The following AHCTF1 variants were observed in gnomAD, a reference collection of about 807,000 sequenced individuals.
AHCTF1 encodes protein ELYS.
AHCTF1 carries 24 observed loss-of-function variants against 248.4 expected under a neutral mutation model. The ratio of observed to expected loss-of-function variants is 0.10; its 90% CI spans 0.07 to 0.14. The LOEUF (loss-of-function observed/expected upper bound fraction) is 0.14. Ranked by LOEUF, AHCTF1 falls within the 10% of genes least tolerant of loss-of-function variation. The probability of loss-of-function intolerance (pLI) is 1.00; values close to 1 mark genes in which losing one functional copy is unlikely to be tolerated. For synonymous variants in AHCTF1, 786 were observed against 929.8 expected (o/e 0.85, Z 2.81); for missense variants, 2,206 against 2,636.2 (o/e 0.84, Z 3.57).
At chr1:246,867,899 CCCCA>C (rs1558229652) in intron 24 of AHCTF1, 88 bp from the exon 25 acceptor site, 33 of 557,246 alleles carry the variant, frequency 5.9e-5, no homozygotes, top group African/African-American at 1.4e-4. Context: ...ACACCCCCCC[CCCCA>C]CACACACACA....
intron 7 of AHCTF1, among the ~76,000 whole-genome samples, chr1:246,903,596 G>T (rs1420811551): frequency 6.6e-6 from 1 of 151,880 alleles, no homozygotes; most frequent in Middle Eastern, 3.4e-3. Context: ...TTGGGAGTTC[G>T]AGGTGGGTGG....
chr1:246,892,562 C>A (rs980434398), intron 14 of AHCTF1, among the ~76,000 whole-genome samples: 1 of 151,988 alleles, frequency 6.6e-6, no homozygotes, highest in Non-Finnish European at 1.5e-5. Context: ...CTCAGGTGAT[C>A]CGCCCGCCTC....
chr1:246,864,511 A>G (rs1473989958), intron 26 of AHCTF1, among the ~76,000 whole-genome samples: 1 of 152,122 alleles, frequency 6.6e-6, no homozygotes. Context: ...CAAAATATCC[A>G]TTCACCTACA....
intron 21 of AHCTF1, among the ~76,000 whole-genome samples, chr1:246,880,646 A>ATG (rs1410347304): frequency 2.6e-5 from 4 of 152,152 alleles, no homozygotes; most frequent in African/African-American, 9.7e-5. Flanking sequence ...GGAGTAAGAT[A>ATG]AACTTAATTT....
chr1:246,877,890 C>T (rs1391861358), intron 21 of AHCTF1, among the ~76,000 whole-genome samples: 1 of 151,914 alleles, frequency 6.6e-6, no homozygotes, highest in African/African-American at 2.4e-5. Flanking sequence ...CTTCCAGAAT[C>T]AGGTAGGAGA....
Position 246,855,764 on chromosome 1 carries a change from G to A in AHCTF1, c.4320C>T (p.Thr1440=). 6.2e-7 allele frequency: 1 copy of A among 1,613,310 alleles called. No homozygotes were observed. Among genetic ancestry groups the A allele is most frequent in the East Asian group, 2.2e-5 (1 of 44,820 alleles). The change falls in exon 31 of 36, where the codon ACC becomes ACT. Residue 1440 remains threonine (T), a synonymous_variant. Coordinates refer to ENST00000648844, the MANE Select transcript of AHCTF1 (RefSeq NM_001323342.2). The stretch of plus-strand genomic sequence containing the variant: ...CATTTGCTCTAATTGCAGGGGTGTA[G>A]GTTTCAACAGATGTTAATCCTTCGT... The part of the protein sequence containing the change: ...VLDEGLTSVE[T]YTPAIRANDN...
chr1:246,891,728 T>A (rs771312651), intron 15 of AHCTF1, 51 bp downstream of exon 15: 3 of 1,583,342 alleles, frequency 1.9e-6, no homozygotes, highest in Non-Finnish European at 2.6e-6. Flanking sequence ...TTTCTCTTAG[T>A]CAAGAAGTAA....
chr1:246,885,607 G>C lies in AHCTF1; in HGVS notation c.2546C>G (p.Ala849Gly). 1 of 1,612,566 alleles carries C rather than the reference G, an allele frequency of 6.2e-7. No homozygotes were observed. Among genetic ancestry groups the C allele is most frequent in the Non-Finnish European group, 8.5e-7 (1 of 1,178,998 alleles). ...TCTGTGCTCGCCCTGACTCATGAAT[G>C]CCTGAATAATCTTTGAATGTTGCCA... is the stretch of plus-strand genomic sequence containing the variant. The part of the protein sequence containing the change: ...LSWQHSKIIQ[A>G]FMSQGEHRQA... Residue 849 changes from alanine to glycine, a missense_variant, in exon 21 of 36, where the codon GCA becomes GGA. Physicochemically the swap from Ala to Gly is moderately conservative, Grantham distance 60. Around this residue, in one of 6 missense-constraint regions of AHCTF1, gnomAD observed 650 missense variants for 870.8 expected, o/e 0.75. Coordinates refer to ENST00000648844, the MANE Select transcript of AHCTF1 (RefSeq NM_001323342.2).
chr1:246,902,022 G>A (rs934880983), intron 8 of AHCTF1, among the ~76,000 whole-genome samples: 1 of 152,106 alleles, frequency 6.6e-6, no homozygotes, highest in Non-Finnish European at 1.5e-5. Flanking sequence ...GGTCTAACTA[G>A]GATCCCACTT....
intron 1 of AHCTF1, among the ~76,000 whole-genome samples, chr1:246,924,808 A>G (rs1666819656): frequency 6.6e-6 from 1 of 152,226 alleles, no homozygotes; most frequent in South Asian, 2.1e-4. Flanking sequence ...CCAAGTCATC[A>G]AAAGTAGAAG....
Position 246,891,798 on chromosome 1 carries a change from G to A in AHCTF1, c.1926C>T (p.Ala642=), listed in dbSNP as rs372542632. 25 of 1,610,804 alleles carry A rather than the reference G, an allele frequency of 1.6e-5. No individual in the cohort carries two copies. Among genetic ancestry groups the A allele is most frequent in the East Asian group, 1.1e-4 (5 of 44,698 alleles). ...GCGTACCTCTCTCAGTGATCTCTCG[G>A]GCTTCTGATGCAAAACAGCTCAAGA... The part of the protein sequence containing the change: ...NIVLSCFASE[A]REITERGLID... The change falls in exon 15 of 36, where the codon GCC becomes GCT. Residue 642 remains alanine (A), a synonymous_variant. Transcript: ENST00000648844.
In AHCTF1 at chr1:246,861,177, T is replaced by C; in HGVS notation, c.3854A>G (p.Glu1285Gly). Reference sequence around the variant, plus strand: ...CTCATCCATTTCTTGATGCTCCTTTTCAGGGCTGTTCAGGAAAAAAGATGT... The same window carrying C: ...CTCATCCATTTCTTGATGCTCCTTTCCAGGGCTGTTCAGGAAAAAAGATGT... Reference protein sequence around the residue: ...RTTSFFLNSPEKEHQEMDEGS... With the variant: ...RTTSFFLNSPGKEHQEMDEGS... The change falls in exon 29 of 36, where the codon GAA becomes GGA. Residue 1285 changes from glutamate (E) to glycine (G), a missense_variant. Physicochemically the swap from Glu to Gly is moderately conservative, Grantham distance 98. Coordinates refer to ENST00000648844, the MANE Select transcript of AHCTF1 (RefSeq NM_001323342.2). 1 of 1,613,732 alleles carries C rather than the reference T, an allele frequency of 6.2e-7. No individual in the cohort carries two copies. The highest frequency in any genetic ancestry group is 1.3e-5 in the African/African-American group (1 of 75,058).
intron 1 of AHCTF1, among the ~76,000 whole-genome samples, chr1:246,929,617 TGAG>T (rs1667184630): frequency 6.6e-6 from 1 of 152,142 alleles, no homozygotes; most frequent in Admixed American, 6.5e-5. Context: ...TGTTAACATA[TGAG>T]GATAGACAGT....
At chr1:246,898,884 T>G (rs933062636) in intron 11 of AHCTF1, among the ~76,000 whole-genome samples, 3 of 152,140 alleles carry the variant, frequency 2.0e-5, no homozygotes, top group Non-Finnish European at 4.4e-5. Context: ...GGTCAGGAGT[T>G]CGAGACCAGC....
chr1:246,890,862 A>G, intron 16 of AHCTF1, 94 bp downstream of exon 16: 1 of 755,058 alleles, frequency 1.3e-6, no homozygotes, highest in Non-Finnish European at 1.9e-6. Flanking sequence ...AGTGAGGTGG[A>G]AGAAAAGAAA....
At chr1:246,868,303 A>T (rs1480722274) in intron 24 of AHCTF1, among the ~76,000 whole-genome samples, 1 of 151,858 alleles carries the variant, frequency 6.6e-6, no homozygotes, top group Admixed American at 6.6e-5. Flanking sequence ...TTTGTATTCT[A>T]AAGTAAAGGG....
chr1:246,922,217 G>A (rs1050720712), intron 1 of AHCTF1, among the ~76,000 whole-genome samples: 2 of 152,006 alleles, frequency 1.3e-5, no homozygotes, highest in East Asian at 1.9e-4. Flanking sequence ...AAAATCAGTC[G>A]GGCATGGCAG....
At chr1:246,887,757 T>C (rs1243397340) in intron 19 of AHCTF1, among the ~76,000 whole-genome samples, 1 of 152,220 alleles carries the variant, frequency 6.6e-6, no homozygotes, top group Non-Finnish European at 1.5e-5. Context: ...TAACTAACAT[T>C]AGCACAAAAA....
intron 24 of AHCTF1, among the ~76,000 whole-genome samples, chr1:246,871,945 G>A (rs770001250): frequency 1.3e-5 from 2 of 149,852 alleles, no homozygotes; most frequent in African/African-American, 2.5e-5. Context: ...CCTGATCCCA[G>A]ACATCCTACT....
Sources: allele counts gnomAD v4.1 joint callset (sites outside exome capture counted in the v4.1 genomes callset), GRCh38; gene constraint gnomAD v4.1.1; regional missense constraint gnomAD v4.1.1; transcripts MANE v1.5; gene names NCBI Gene and HGNC (gene_info 2026-07-23, HGNC 2026-07-21).